Variants in LRRIQ1 observed in about 807,000 individuals in gnomAD.
The protein encoded by LRRIQ1 is leucine rich repeats and IQ motif containing 1.
LRRIQ1 carries 210 observed loss-of-function variants against 211.9 expected under a neutral mutation model. The observed-to-expected ratio is 0.99, with a 90% CI of 0.89 to 1.11. The LOEUF (loss-of-function observed/expected upper bound fraction) is 1.11. Among genes scored for constraint, LRRIQ1 ranks in the 50% most tolerant of loss-of-function variants. The pLI, the probability that LRRIQ1 is intolerant of heterozygous loss-of-function variation, is 0.00. For missense variants in LRRIQ1, 2,136 were observed against 1,939.5 expected (o/e 1.10, Z -1.90); for synonymous variants, 699 against 650.1 (o/e 1.08, Z -1.14).
intron 24 of LRRIQ1, among the ~76,000 whole-genome samples, chr12:85,217,640 A>G (rs1894197560): frequency 7.1e-6 from 1 of 141,274 alleles, no homozygotes; most frequent in Non-Finnish European, 1.5e-5. Context: ...ATATATGTAT[A>G]TATATGTGTA....
intron 11 of LRRIQ1, among the ~76,000 whole-genome samples, chr12:85,086,124 A>G (rs1363680238): frequency 1.3e-5 from 2 of 152,158 alleles, no homozygotes; most frequent in African/African-American, 4.8e-5. Context: ...ACTAATGGCC[A>G]TTCTGACTAG....
At chr12:85,215,832 C>G (rs1408597258) in intron 24 of LRRIQ1, among the ~76,000 whole-genome samples, 1 of 152,136 alleles carries the variant, frequency 6.6e-6, no homozygotes, top group Non-Finnish European at 1.5e-5. Context: ...AACGCAGATA[C>G]ATTTTACAAA....
intron 11 of LRRIQ1, among the ~76,000 whole-genome samples, chr12:85,096,510 C>G (rs1171782560): frequency 6.6e-6 from 1 of 152,186 alleles, no homozygotes; most frequent in East Asian, 1.9e-4. Flanking sequence ...TTATGCTACT[C>G]TGGTCTGAAA....
intron 24 of LRRIQ1, among the ~76,000 whole-genome samples, chr12:85,224,746 G>T (rs1195509750): frequency 8.1e-6 from 1 of 123,842 alleles, no homozygotes; most frequent in Non-Finnish European, 1.7e-5. Flanking sequence ...GGGTGGGGGG[G>T]CTAGGGGAGG....
At chr12:85,261,765 T>TTTA (rs1670155515) in intron 1 of LRRIQ1, among the ~76,000 whole-genome samples, 1 of 139,608 alleles carries the variant, frequency 7.2e-6, no homozygotes, top group East Asian at 2.0e-4. Flanking sequence ...TTTTTGTTTA[T>TTTA]TTTATTTATT....
intron 19 of LRRIQ1, among the ~76,000 whole-genome samples, chr12:85,143,824 A>C (rs1055122783): frequency 6.6e-6 from 1 of 151,608 alleles, no homozygotes; most frequent in African/African-American, 2.4e-5. Context: ...ACTTGCAGAT[A>C]TCTTTCTATC....
chr12:85,149,763 G>T (rs963447362), intron 19 of LRRIQ1, among the ~76,000 whole-genome samples: 1 of 151,530 alleles, frequency 6.6e-6, no homozygotes, highest in Admixed American at 6.6e-5. Flanking sequence ...ATTACCAAAA[G>T]CATCTTTAAC....
At chr12:85,171,567 A>G (rs1389542984) in intron 24 of LRRIQ1, among the ~76,000 whole-genome samples, 2 of 152,218 alleles carry the variant, frequency 1.3e-5, no homozygotes, top group African/African-American at 2.4e-5. Context: ...ACTTCTTCAG[A>G]GAAACAAAGC....
chr12:85,131,036 C>T (rs35310197), intron 18 of LRRIQ1, among the ~76,000 whole-genome samples: 1 of 142,764 alleles, frequency 7.0e-6, no homozygotes, highest in Non-Finnish European at 1.5e-5. Flanking sequence ...GTGGTGAAAC[C>T]TTCATCTCTA....
chr12:85,142,921 C>T (rs963072892), intron 19 of LRRIQ1, among the ~76,000 whole-genome samples: 5 of 151,506 alleles, frequency 3.3e-5, no homozygotes, highest in East Asian at 1.9e-4. Context: ...GTGAAGACAA[C>T]GATACAGATA....
intron 24 of LRRIQ1, among the ~76,000 whole-genome samples, chr12:85,178,181 T>G (rs1343321572): frequency 6.6e-6 from 1 of 152,102 alleles, no homozygotes; most frequent in Non-Finnish European, 1.5e-5. Context: ...CTTTGGATGT[T>G]GTCTTACCTG....
At chr12:85,243,110 C>T (rs970466076) in intron 26 of LRRIQ1, among the ~76,000 whole-genome samples, 2 of 150,824 alleles carry the variant, frequency 1.3e-5, no homozygotes, top group Admixed American at 1.3e-4. Context: ...TCAGGAGGGT[C>T]CCTTATGTGG....
At chr12:85,091,853 T>C (rs1311157868) in intron 11 of LRRIQ1, among the ~76,000 whole-genome samples, 1 of 152,214 alleles carries the variant, frequency 6.6e-6, no homozygotes, top group African/African-American at 2.4e-5. Context: ...GGGGTTCCCA[T>C]CTTCCAGGTT....
At chr12:85,250,860 TTATAGA>T in intron 1 of LRRIQ1, among the ~76,000 whole-genome samples, 1 of 84,766 alleles carries the variant, frequency 1.2e-5, no homozygotes, top group Non-Finnish European at 2.3e-5. Flanking sequence ...ATAATATATA[TTATAGA>T]TTATATATTA....
At chr12:85,077,356 G>A (rs570667978) in intron 11 of LRRIQ1, among the ~76,000 whole-genome samples, 131 of 152,258 alleles carry the variant, frequency 8.6e-4, no homozygotes, top group African/African-American at 3.1e-3. Context: ...TTTATTTTGT[G>A]AGATCTAGGA....
intron 24 of LRRIQ1, among the ~76,000 whole-genome samples, chr12:85,169,134 G>T (rs138773608): frequency 6.6e-6 from 1 of 152,082 alleles, no homozygotes; most frequent in Non-Finnish European, 1.5e-5. Context: ...TCACAAGCAG[G>T]CTTTTGAGAT....
At chr12:85,211,447 A>C (rs989543753) in intron 24 of LRRIQ1, among the ~76,000 whole-genome samples, 1 of 152,170 alleles carries the variant, frequency 6.6e-6, no homozygotes, top group Non-Finnish European at 1.5e-5. Context: ...TTTACCTAGC[A>C]GTGGCTGTGA....
rs71076115 is a variant in LRRIQ1, at chr12:85,174,701, C to CAAAAAAAAAAAAAAAAA, written c.4822+13993_4822+14009dup. On this transcript the variant is annotated intron_variant, in intron 24 of 26. Coordinates refer to ENST00000393217, the MANE Select transcript of LRRIQ1 (RefSeq NM_001079910.2). ...TGGGTGACAGAGCAAGAGTACAGCT[C>CAAAAAAAAAAAAAAAAA]AAAAAAAAAAAAAAAAAAAAAATCT... 2.8e-3 allele frequency among the ~76,000 whole-genome samples: 60 copies of CAAAAAAAAAAAAAAAAA among 21,582 alleles called. 16 individuals are homozygous for CAAAAAAAAAAAAAAAAA. The highest frequency in any genetic ancestry group is 0.012 in the African/African-American group (40 of 3,216). 14.2% of individuals were successfully genotyped at this position (21,582 alleles called of 152,430 possible). A position where few individuals can be genotyped will look rare whatever the true frequency, so the allele number is the denominator to read the frequency against.
chr12:85,047,185 T>C, intron 5 of LRRIQ1, 62 bp from the exon 6 acceptor site: 1 of 1,242,872 alleles, frequency 8.0e-7, no homozygotes, highest in Non-Finnish European at 1.1e-6. Context: ...TTTTATACTT[T>C]GAATTAGTTT....
Sources: gnomAD v4.1 joint callset for allele counts (sites outside exome capture counted in the v4.1 genomes callset) on GRCh38, gnomAD v4.1.1 for gene constraint, MANE v1.5 for transcripts, NCBI Gene and HGNC (gene_info 2026-07-23, HGNC 2026-07-21) for gene names.